ATP6V0A4: variants seen among roughly 807,000 people sequenced by gnomAD.
The protein encoded by ATP6V0A4 is V-type proton ATPase 116 kDa subunit a 4.
A neutral mutation model predicts 107.3 loss-of-function variants in ATP6V0A4; 86 were observed. That is an observed-to-expected ratio of 0.80 (90% CI 0.67 to 0.96). The LOEUF (loss-of-function observed/expected upper bound fraction) is 0.96, where lower values mean the gene tolerates loss of function less well. Ranked by LOEUF, ATP6V0A4 falls within the 40% of genes least tolerant of loss-of-function variation. ATP6V0A4 has a pLI of 0.00. For synonymous variants in ATP6V0A4, 353 were observed against 381.4 expected, an observed-to-expected ratio of 0.93 and a Z score of 0.87; for missense variants, 908 against 1,045.6, an observed-to-expected ratio of 0.87 and a Z score of 1.81.
At chr7:138,756,133 A>G (rs1584929994) in intron 9 of ATP6V0A4, 2 of 524,484 alleles carry the variant, frequency 3.8e-6, no homozygotes, top group Non-Finnish European at 6.8e-6. Context: ...ATGGAGCTAC[A>G]TGTAACACGA....
At chr7:138,758,408 T>C (rs995912151) in intron 8 of ATP6V0A4, among the ~76,000 whole-genome samples, 30 of 152,346 alleles carry the variant, frequency 2.0e-4, no homozygotes, top group African/African-American at 7.0e-4. Context: ...TAAATTTCAC[T>C]TATTTTAAAG....
chr7:138,777,426 C>G (rs1807710360), intron 2 of ATP6V0A4, among the ~76,000 whole-genome samples: 5 of 151,856 alleles, frequency 3.3e-5, no homozygotes, highest in Admixed American at 3.3e-4. Flanking sequence ...ACCAGCCTGG[C>G]CAACATGGTG....
chr7:138,744,882 T>C (rs1453307634), intron 14 of ATP6V0A4, among the ~76,000 whole-genome samples: 1 of 151,996 alleles, frequency 6.6e-6, no homozygotes, highest in African/African-American at 2.4e-5. Context: ...TTTGTATTTT[T>C]AGTGGAGACC....
At chr7:138,754,747 C>T (rs1806423679) in intron 10 of ATP6V0A4, among the ~76,000 whole-genome samples, 1 of 152,008 alleles carries the variant, frequency 6.6e-6, no homozygotes, top group Non-Finnish European at 1.5e-5. Context: ...CTCAGCCTCC[C>T]GAGTAGCTGA....
chr7:138,765,489 G>T (rs2117323270), intron 5 of ATP6V0A4, among the ~76,000 whole-genome samples: 1 of 152,296 alleles, frequency 6.6e-6, no homozygotes, highest in Middle Eastern at 3.4e-3. Context: ...AGTTTCTGAG[G>T]GGATGGTGGT....
At chr7:138,747,079 T>C (rs12538677) in intron 13 of ATP6V0A4, among the ~76,000 whole-genome samples, 2,086 of 152,292 alleles carry the variant, frequency 0.014, 153 homozygotes, top group Admixed American at 0.12. Context: ...TTCATGGTGA[T>C]TTTTCTCTCG....
rs755946397 is a variant in ATP6V0A4, at chr7:138,709,797, T to C, written c.2258-2A>G. On this transcript the variant is annotated splice_acceptor_variant, in intron 20 of 21. Transcript: ENST00000310018. LOFTEE classifies it high-confidence loss of function. Reference sequence around the variant, plus strand: ...TAGTCCAGAGCACTTCAGACAGTTCTGCAAGGTACGAGAAACCACTGGGAT... The same window carrying C: ...TAGTCCAGAGCACTTCAGACAGTTCCGCAAGGTACGAGAAACCACTGGGAT... 1.2e-6 allele frequency: 2 copies of C among 1,613,844 alleles called. No homozygotes were observed. The highest frequency in any genetic ancestry group is 4.5e-5 in the East Asian group (2 of 44,872).
intron 17 of ATP6V0A4, among the ~76,000 whole-genome samples, chr7:138,732,084 G>A (rs1304205198): frequency 6.6e-6 from 1 of 152,158 alleles, no homozygotes; most frequent in Non-Finnish European, 1.5e-5. Flanking sequence ...GCTCACAGAA[G>A]AGCATGAGTT....
chr7:138,765,495 G>A (rs191118664), intron 5 of ATP6V0A4, among the ~76,000 whole-genome samples: 1 of 152,178 alleles, frequency 6.6e-6, no homozygotes, highest in Non-Finnish European at 1.5e-5. Context: ...TGAGGGGATG[G>A]TGGTTTTTTC....
chr7:138,786,818 G>A (rs933838873), intron 1 of ATP6V0A4, among the ~76,000 whole-genome samples: 1 of 152,068 alleles, frequency 6.6e-6, no homozygotes, highest in South Asian at 2.1e-4. Context: ...TCACTTGGGA[G>A]CACCTCCCTA....
chr7:138,709,520 G>A, intron 21 of ATP6V0A4, 104 bp downstream of exon 21: 2 of 1,103,106 alleles, frequency 1.8e-6, no homozygotes, highest in African/African-American at 3.1e-5. Flanking sequence ...TATGTAAGCT[G>A]CTAAAGTCAC....
chr7:138,756,386 TTTGGCATTGCACATCTC>T (rs1405378123), intron 9 of ATP6V0A4, 55 bp downstream of exon 9: 4 of 1,602,950 alleles, frequency 2.5e-6, no homozygotes, highest in African/African-American at 1.3e-5. Flanking sequence ...GTCATGTGCA[TTTGGCATTGCACATCTC>T]TTTATCTAAT....
chr7:138,720,598 T>C (rs1804379176), intron 19 of ATP6V0A4, among the ~76,000 whole-genome samples: 1 of 152,154 alleles, frequency 6.6e-6, no homozygotes, highest in African/African-American at 2.4e-5. Flanking sequence ...TTGGGAAGAA[T>C]TTTCACGATT....
rs1296316551 is a variant in ATP6V0A4 at position 138,706,677 on chromosome 7, T to C, written c.2470A>G (p.Lys824Glu). 6.2e-7 allele frequency: 1 copy of C among 1,613,810 alleles called. No individual in the cohort carries two copies. Among genetic ancestry groups the C allele is most frequent in the African/African-American group, 1.3e-5 (1 of 74,890 alleles). ...QNKFYVGDGY[K>E]FSPFSFKHIL... is the part of the protein sequence containing the mutation. ...TGTTTAAAGGAGAATGGAGAAAACT[T>C]GTAACCATCCCCGACATAGAACTTG... The change falls in exon 22 of 22, where the codon AAG (lysine) becomes GAG (glutamate). Residue 824 changes from lysine to glutamate, a missense_variant. Physicochemically the swap from Lys to Glu is moderately conservative, Grantham distance 56. Coordinates refer to ENST00000310018, the MANE Select transcript of ATP6V0A4 (RefSeq NM_020632.3).
intron 21 of ATP6V0A4, among the ~76,000 whole-genome samples, chr7:138,708,012 TTTTATTTTATTTA>T (rs946812730): frequency 1.1e-4 from 16 of 146,744 alleles, no homozygotes; most frequent in Admixed American, 4.7e-4. Flanking sequence ...ATGATTTATG[TTTTATTTTATTTA>T]TTTATTTATT....
At chr7:138,707,229 A>C (rs1277101143) in intron 21 of ATP6V0A4, among the ~76,000 whole-genome samples, 1 of 88,176 alleles carries the variant, frequency 1.1e-5, no homozygotes, top group Non-Finnish European at 2.1e-5. Context: ...AGAATATATT[A>C]TATAATATAT....
intron 18 of ATP6V0A4, among the ~76,000 whole-genome samples, chr7:138,726,587 C>G (rs3800570): frequency 0.12 from 18,634 of 152,198 alleles, 1,394 homozygotes; most frequent in African/African-American, 0.21. Flanking sequence ...TGAAGTCCGT[C>G]AGAACAAATT....
chr7:138,707,345 AT>A (rs1329177120), intron 21 of ATP6V0A4, among the ~76,000 whole-genome samples: 4 of 100,226 alleles, frequency 4.0e-5, no homozygotes, highest in African/African-American at 1.2e-4. Flanking sequence ...TAATATATAT[AT>A]TATAATATAT....
chr7:138,739,409 TCAG>T, intron 15 of ATP6V0A4, 128 bp downstream of exon 15: 2 of 1,172,184 alleles, frequency 1.7e-6, no homozygotes, highest in Middle Eastern at 2.1e-4. Flanking sequence ...CACAAAAACG[TCAG>T]CAGAAGTTAT....
Sources: gnomAD v4.1 joint callset for allele counts (sites outside exome capture counted in the v4.1 genomes callset) on GRCh38, gnomAD v4.1.1 for gene constraint, MANE v1.5 for transcripts, NCBI Gene and HGNC (gene_info 2026-07-23, HGNC 2026-07-21) for gene names.